SPTBN1: variants seen among roughly 807,000 people sequenced by gnomAD.
SPTBN1 encodes the protein spectrin beta, non-erythrocytic 1.
In SPTBN1, 32 loss-of-function variants were observed where a neutral mutation model predicts 266.4. That is an observed-to-expected ratio of 0.12 (90% CI 0.09 to 0.16). The LOEUF (loss-of-function observed/expected upper bound fraction) is 0.16. Ranked by LOEUF, SPTBN1 falls within the 10% of genes least tolerant of loss-of-function variation. The probability of loss-of-function intolerance (pLI) is 1.00; values close to 1 mark genes in which losing one functional copy is unlikely to be tolerated. For synonymous variants in SPTBN1, 1,336 were observed against 1,162.2 expected (o/e 1.15, Z -3.04); for missense variants, 2,296 against 3,067.1 (o/e 0.75, Z 5.94).
chr2:54,515,069 C>T (rs1246783045), intron 1 of SPTBN1, among the ~76,000 whole-genome samples: 2 of 152,158 alleles, frequency 1.3e-5, no homozygotes, highest in Non-Finnish European at 2.9e-5. Flanking sequence ...AAGATGAGTG[C>T]TTGTGACATT....
At chr2:54,579,580 T>G (rs891974258) in intron 2 of SPTBN1, among the ~76,000 whole-genome samples, 1 of 152,224 alleles carries the variant, frequency 6.6e-6, no homozygotes, top group Non-Finnish European at 1.5e-5. Flanking sequence ...CTGAAGCACA[T>G]TGGCATATTA....
intron 2 of SPTBN1, among the ~76,000 whole-genome samples, chr2:54,598,141 G>C (rs1037854954): frequency 7.9e-5 from 12 of 152,158 alleles, no homozygotes; most frequent in African/African-American, 2.9e-4. Flanking sequence ...GTGAAGGCCA[G>C]TTCTGGGCAA....
chr2:54,584,939 G>T (rs1675187395), intron 2 of SPTBN1, among the ~76,000 whole-genome samples: 2 of 152,062 alleles, frequency 1.3e-5, no homozygotes, highest in Admixed American at 6.6e-5. Context: ...GGACAAGGGA[G>T]AGGTGGGGTG....
chr2:54,626,156 G>A lies in SPTBN1; in HGVS notation c.1566G>A (p.Gln522=), dbSNP rs1390736143. ...TGGAACTGCTCAGGGCCCGGAGACA[G>A]CGGCTCGAGATGAACCTGGGGCTGC... The part of the protein sequence containing the change: ...YLLELLRARR[Q]RLEMNLGLQK... The change falls in exon 12 of 36, where the codon CAG becomes CAA. Residue 522 remains glutamine, a synonymous_variant. Coordinates refer to ENST00000356805, the MANE Select transcript of SPTBN1 (RefSeq NM_003128.3). This position sits in a 1 kb window ranked among gnomAD's most constrained non-coding sequence, Gnocchi z 4.7. 1 of 1,614,230 alleles carries A rather than the reference G, an allele frequency of 6.2e-7. No individual in the cohort carries two copies. The highest frequency in any genetic ancestry group is 2.2e-5 in the East Asian group (1 of 44,886).
chr2:54,487,922 C>T (rs1668494897), intron 1 of SPTBN1, among the ~76,000 whole-genome samples: 1 of 142,672 alleles, frequency 7.0e-6, no homozygotes, highest in Non-Finnish European at 1.5e-5. Flanking sequence ...CTCCGCCTCC[C>T]AGGTTCACGC....
At chr2:54,655,541 G>A (rs12475342) in intron 28 of SPTBN1, among the ~76,000 whole-genome samples, 43,061 of 152,166 alleles carry the variant, frequency 0.28, 7,443 homozygotes, top group Admixed American at 0.36. Context: ...ATTCTGGTTA[G>A]GATGGTGGTA....
intron 4 of SPTBN1, among the ~76,000 whole-genome samples, chr2:54,615,505 CT>C: frequency 6.6e-6 from 1 of 152,320 alleles, no homozygotes; most frequent in Non-Finnish European, 1.5e-5. Context: ...TTCACAGACC[CT>C]TATTACGAGC....
rs71408771 is a variant in SPTBN1, at chr2:54,576,055, CTTTTT to C, written c.149-23024_149-23020del. ...TTTTCCTTTTGTCACTCAGATCCAG[CTTTTT>C]TTTTTTTTTTTTGAGAGACAGTCTG... is the stretch of plus-strand genomic sequence containing the variant. On this transcript the variant is annotated intron_variant, in intron 2 of 35. Transcript: ENST00000356805. Among the ~76,000 whole-genome samples, 3 of 18,730 alleles carry C rather than the reference CTTTTT, an allele frequency of 1.6e-4. No individual in the cohort carries two copies. In the East Asian group the frequency reaches 1.9e-3, roughly 12 times the overall value. The allele number at this position is 18,730 out of a possible 152,430, so 12.3% of individuals were successfully genotyped here. A position where few individuals can be genotyped will look rare whatever the true frequency, so the allele number is the denominator to read the frequency against.
Position 54,537,646 on chromosome 2 carries a change from T to C in SPTBN1, c.148+11080T>C, listed in dbSNP as rs539086527. 3.2e-4 allele frequency among the ~76,000 whole-genome samples: 49 copies of C among 152,320 alleles called. 1 individual carries two copies. The highest frequency in any genetic ancestry group is 1.0e-3 in the African/African-American group (43 of 41,578). On this transcript the variant is annotated intron_variant, in intron 2 of 35. Coordinates refer to ENST00000356805, the MANE Select transcript of SPTBN1 (RefSeq NM_003128.3). ...CAAGGGAAGGGCTAAATAGCCAATC[T>C]GAAGAAAGGGTGAAGGGCCCCTAGG... is the stretch of plus-strand genomic sequence containing the variant.
intron 2 of SPTBN1, among the ~76,000 whole-genome samples, chr2:54,537,139 A>G (rs1284623202): frequency 6.6e-6 from 1 of 152,226 alleles, no homozygotes; most frequent in Non-Finnish European, 1.5e-5. Context: ...GGCATTACTT[A>G]TATTTCCGAT....
rs139007488 is a variant in SPTBN1, at chr2:54,637,747, T to C, written c.3802T>C (p.Leu1268=). The C allele has an allele frequency of 2.7e-5, 44 of 1,613,974 alleles. No homozygotes were observed. In the East Asian group the frequency reaches 4.0e-4, roughly 15 times the overall value. Residue 1268 remains leucine (L), a synonymous_variant, in exon 18 of 36, where the codon TTG becomes CTG. Coordinates refer to ENST00000356805, the MANE Select transcript of SPTBN1 (RefSeq NM_003128.3). ...GAATCGTGAGACAGCCAGTGAACTT[T>C]TGATGAGGTTGAAGGACAACAGGGA... ...RKNRETASEL[L]MRLKDNRDLQ... is the part of the protein sequence containing the mutation.
chr2:54,631,447 G>A lies in SPTBN1; in HGVS notation c.3400G>A (p.Asp1134Asn), dbSNP rs1319261122. ...CGAGATGGTCACCCAGGGGCAGACCGATGCCCAGTACATGTTTCTGCGGCA... is the reference window on the plus strand; with the variant it reads ...CGAGATGGTCACCCAGGGGCAGACCAATGCCCAGTACATGTTTCTGCGGCA... ...MGEMVTQGQT[D>N]AQYMFLRQRL... Residue 1134 changes from aspartate (D) to asparagine (N), a missense_variant, in exon 16 of 36, where the codon GAT becomes AAT. Physicochemically the swap from Asp to Asn is conservative, Grantham distance 23 (BLOSUM62 1). Coordinates refer to ENST00000356805, the MANE Select transcript of SPTBN1 (RefSeq NM_003128.3). 4.3e-6 allele frequency: 7 copies of A among 1,614,146 alleles called. No homozygotes were observed. The highest frequency in any genetic ancestry group is 8.5e-7 in the Non-Finnish European group (1 of 1,180,056).
intron 1 of SPTBN1, among the ~76,000 whole-genome samples, chr2:54,525,799 C>T (rs1670774103): frequency 1.3e-5 from 2 of 152,264 alleles, no homozygotes; most frequent in Admixed American, 6.5e-5. Context: ...GGCACGATAT[C>T]GGCTCACTAC....
intron 1 of SPTBN1, among the ~76,000 whole-genome samples, chr2:54,487,879 G>T (rs955156436): frequency 1.0e-5 from 1 of 99,558 alleles, no homozygotes; most frequent in Non-Finnish European, 1.8e-5. Context: ...ACCCAGGCTG[G>T]AGTGCAGTGG....
intron 1 of SPTBN1, among the ~76,000 whole-genome samples, chr2:54,469,580 T>C (rs1693813109): frequency 6.6e-6 from 1 of 152,184 alleles, no homozygotes. Flanking sequence ...AAGCCTGGTG[T>C]AGGAGTCTCA....
rs372028369 is a variant in SPTBN1 at position 54,522,010 on chromosome 2, A to G, written c.-47-4362A>G. Among the ~76,000 whole-genome samples the G allele has an allele frequency of 4.2e-4, 64 of 150,692 alleles. No homozygotes were observed. The East Asian group carries it at 0.011, about 27-fold the overall frequency. On this transcript the variant is annotated intron_variant, in intron 1 of 35. Coordinates refer to ENST00000356805, the MANE Select transcript of SPTBN1 (RefSeq NM_003128.3). ...CCTCCCTGGCTCGAGTGGTCCTCCT[A>G]CCTCAGCCTCCCAAGTAGCTGGAAC... is the stretch of plus-strand genomic sequence containing the variant.
At chr2:54,650,550 T>TG (rs2104110874) in intron 26 of SPTBN1, among the ~76,000 whole-genome samples, 1 of 152,346 alleles carries the variant, frequency 6.6e-6, no homozygotes, top group African/African-American at 2.4e-5. Flanking sequence ...GCCTTTTAGT[T>TG]GAAAAACAAA....
At position 54,623,472 on chromosome 2, in the gene SPTBN1, T is replaced by C; in HGVS notation, c.1065-7T>C. 1 of 1,612,296 alleles carries C rather than the reference T, an allele frequency of 6.2e-7. No homozygotes were observed. On this transcript the variant is annotated splice_region_variant and splice_polypyrimidine_tract_variant and intron_variant, in intron 9 of 35. Coordinates refer to ENST00000356805, the MANE Select transcript of SPTBN1 (RefSeq NM_003128.3). ...AGTACCAAATGAATGTTTTCCCCTG[T>C]GTTTAGATTTACTGAGAAGGGGAAC...
At position 54,612,344 on chromosome 2, in the gene SPTBN1, T is replaced by G; in HGVS notation, c.474+10T>G. The stretch of plus-strand genomic sequence containing the variant: ...CATCCTGCGCTTCCAGGTAAGGGTC[T>G]CTGCCCAGGGTTGCTCAGAACTTAG... On this transcript the variant is annotated intron_variant, in intron 4 of 35. Coordinates refer to ENST00000356805, the MANE Select transcript of SPTBN1 (RefSeq NM_003128.3). The G allele has an allele frequency of 1.2e-6, 2 of 1,608,868 alleles. No homozygotes were observed. Among genetic ancestry groups the G allele is most frequent in the Non-Finnish European group, 1.7e-6 (2 of 1,176,754 alleles).
Sources: allele counts gnomAD v4.1 joint callset (sites outside exome capture counted in the v4.1 genomes callset), GRCh38; gene constraint gnomAD v4.1.1; non-coding constraint Gnocchi (gnomAD v3.1); transcripts MANE v1.5; gene names NCBI Gene and HGNC (gene_info 2026-07-23, HGNC 2026-07-21).